SPOCK3: variants seen among roughly 807,000 people sequenced by gnomAD.
The protein encoded by SPOCK3 is testican-3.
Under a neutral mutation model 56.6 loss-of-function variants are expected in SPOCK3, and 30 were observed. That is an observed-to-expected ratio of 0.53 (90% CI 0.40 to 0.72). The LOEUF (loss-of-function observed/expected upper bound fraction) is 0.72, where lower values mean the gene tolerates loss of function less well. SPOCK3 is among the 30% of genes least tolerant of loss of function. The probability of loss-of-function intolerance (pLI) is 0.00; values close to 1 mark genes in which losing one functional copy is unlikely to be tolerated. For synonymous variants in SPOCK3, 196 were observed against 183.3 expected (o/e 1.07, Z -0.56); for missense variants, 527 against 530.0 (o/e 0.99, Z 0.06).
chr4:167,181,720 G>A (rs1437432461), intron 2 of SPOCK3, among the ~76,000 whole-genome samples: 1 of 152,112 alleles, frequency 6.6e-6, no homozygotes, highest in Non-Finnish European at 1.5e-5. Context: ...ATAAACATAT[G>A]ATTCTTACCT....
At chr4:167,219,374 T>C (rs1408135464) in intron 2 of SPOCK3, among the ~76,000 whole-genome samples, 2 of 152,220 alleles carry the variant, frequency 1.3e-5, no homozygotes, top group Non-Finnish European at 2.9e-5. Flanking sequence ...TTGTACCCTA[T>C]GTAAATATTT....
intron 3 of SPOCK3, among the ~76,000 whole-genome samples, chr4:167,036,966 C>G (rs1030653853): frequency 1.3e-5 from 2 of 152,076 alleles, no homozygotes; most frequent in Non-Finnish European, 1.5e-5. Flanking sequence ...AGATCCTTAT[C>G]TTATTCTTAC....
At chr4:167,142,444 G>C (rs993795075) in intron 2 of SPOCK3, among the ~76,000 whole-genome samples, 4 of 151,212 alleles carry the variant, frequency 2.6e-5, no homozygotes, top group Non-Finnish European at 5.9e-5. Flanking sequence ...AGGCAGCCAC[G>C]AGAAAAAAAA....
intron 2 of SPOCK3, among the ~76,000 whole-genome samples, chr4:167,100,121 C>T (rs1321517094): frequency 6.6e-6 from 1 of 152,088 alleles, no homozygotes; most frequent in Non-Finnish European, 1.5e-5. Flanking sequence ...CTCTCACTAT[C>T]AATTTACTTC....
intron 2 of SPOCK3, among the ~76,000 whole-genome samples, chr4:167,088,214 T>A (rs1450213386): frequency 6.6e-6 from 1 of 152,172 alleles, no homozygotes; most frequent in East Asian, 1.9e-4. Context: ...TGTTATAACA[T>A]AAACTTCTGG....
rs145275447 is a variant in SPOCK3, at chr4:166,776,710, G to A, written c.709+15460C>T. On this transcript the variant is annotated intron_variant, in intron 7 of 10. Coordinates refer to ENST00000357545, the MANE Select transcript of SPOCK3 (RefSeq NM_001040159.2). ...ACTCAAGGACTAAGTTAAGGAAAAAGACCAATATCCTACGTGTCCTGATGA... is the reference window on the plus strand; with the variant it reads ...ACTCAAGGACTAAGTTAAGGAAAAAAACCAATATCCTACGTGTCCTGATGA... 1.6e-3 allele frequency among the ~76,000 whole-genome samples: 243 copies of A among 152,246 alleles called. 1 individual carries two copies. The highest frequency in any genetic ancestry group is 5.5e-3 in the African/African-American group (228 of 41,566).
At chr4:167,065,194 C>A (rs1340912206) in intron 2 of SPOCK3, among the ~76,000 whole-genome samples, 2 of 151,548 alleles carry the variant, frequency 1.3e-5, no homozygotes, top group Admixed American at 1.3e-4. Flanking sequence ...AAGGATGTGG[C>A]CAAGTTTTTA....
intron 9 of SPOCK3, among the ~76,000 whole-genome samples, chr4:166,738,426 T>C (rs1734446914): frequency 6.6e-6 from 1 of 151,386 alleles, no homozygotes. Flanking sequence ...TTTTATTTAT[T>C]TATTTATTTA....
intron 7 of SPOCK3, among the ~76,000 whole-genome samples, chr4:166,786,727 A>C (rs898739771): frequency 1.3e-5 from 2 of 152,178 alleles, no homozygotes; most frequent in Non-Finnish European, 2.9e-5. Flanking sequence ...TAATTTCATA[A>C]GGTTCAACTT....
At chr4:167,065,062 T>TAAAAAAAAAAAAAAAAAAAAAAAA (rs74281519) in intron 2 of SPOCK3, among the ~76,000 whole-genome samples, 4 of 56,862 alleles carry the variant, frequency 7.0e-5, no homozygotes, top group Non-Finnish European at 1.0e-4. Flanking sequence ...AAAAAAAAAG[T>TAAAAAAAAAAAAAAAAAAAAAAAA]CAAACGCAGC....
chr4:166,744,751 C>G (rs1222935175), intron 8 of SPOCK3, among the ~76,000 whole-genome samples: 1 of 152,040 alleles, frequency 6.6e-6, no homozygotes, highest in East Asian at 1.9e-4. Context: ...AAAGATTAGA[C>G]AAATGGCTAA....
chr4:166,949,349 C>T (rs1030639747), intron 4 of SPOCK3, among the ~76,000 whole-genome samples: 2 of 152,228 alleles, frequency 1.3e-5, no homozygotes, highest in African/African-American at 2.4e-5. Flanking sequence ...TCGTCAAAGT[C>T]ATTCTCCATC....
chr4:167,164,401 A>G (rs1225891953), intron 2 of SPOCK3, among the ~76,000 whole-genome samples: 1 of 152,116 alleles, frequency 6.6e-6, no homozygotes, highest in East Asian at 1.9e-4. Context: ...TAATGAGATT[A>G]TATGGGATTT....
intron 4 of SPOCK3, among the ~76,000 whole-genome samples, chr4:166,914,558 G>T (rs1187121574): frequency 6.6e-6 from 1 of 152,162 alleles, no homozygotes; most frequent in Admixed American, 6.6e-5. Context: ...ATCACCTGAG[G>T]TTGGGAGTTT....
intron 4 of SPOCK3, among the ~76,000 whole-genome samples, chr4:166,929,746 C>T (rs1299854620): frequency 1.3e-5 from 2 of 152,060 alleles, no homozygotes; most frequent in Non-Finnish European, 2.9e-5. Flanking sequence ...GATACGATAT[C>T]CATTAGCTAT....
intron 2 of SPOCK3, among the ~76,000 whole-genome samples, chr4:167,170,175 C>T (rs1228247744): frequency 6.6e-6 from 1 of 152,036 alleles, no homozygotes; most frequent in Non-Finnish European, 1.5e-5. Flanking sequence ...ATGTTTATGA[C>T]CAGGGTCACC....
At chr4:166,751,345 A>C (rs938174972) in intron 8 of SPOCK3, among the ~76,000 whole-genome samples, 1 of 152,202 alleles carries the variant, frequency 6.6e-6, no homozygotes, top group African/African-American at 2.4e-5. Flanking sequence ...ATTCCTGAGA[A>C]AAAACCCTGC....
At chr4:166,776,494 T>A (rs1739566519) in intron 7 of SPOCK3, among the ~76,000 whole-genome samples, 1 of 152,142 alleles carries the variant, frequency 6.6e-6, no homozygotes, top group African/African-American at 2.4e-5. Flanking sequence ...AAGGACATTT[T>A]AAAATATGAA....
chr4:167,092,704 T>G (rs149729132), intron 2 of SPOCK3, among the ~76,000 whole-genome samples: 1 of 152,276 alleles, frequency 6.6e-6, no homozygotes, highest in East Asian at 1.9e-4. Context: ...TATGTCCTTT[T>G]AACTTAATTT....
Sources: allele counts gnomAD v4.1 joint callset (sites outside exome capture counted in the v4.1 genomes callset), GRCh38; gene constraint gnomAD v4.1.1; transcripts MANE v1.5; gene names NCBI Gene and HGNC (gene_info 2026-07-23, HGNC 2026-07-21).